CHUK: variants seen among roughly 807,000 people sequenced by gnomAD.
The protein encoded by CHUK is inhibitor of nuclear factor kappa-B kinase subunit alpha.
Under a neutral mutation model 104.8 loss-of-function variants are expected in CHUK, and 35 were observed. The ratio of observed to expected loss-of-function variants is 0.33; its 90% CI spans 0.26 to 0.44. The LOEUF (loss-of-function observed/expected upper bound fraction) is 0.44, where lower values mean the gene tolerates loss of function less well. Among genes scored for constraint, CHUK ranks in the 20% least tolerant of loss-of-function variants. CHUK has a pLI of 1.00. For synonymous variants in CHUK, 276 were observed against 291.9 expected (o/e 0.95, Z 0.56); for missense variants, 663 against 902.7 (o/e 0.73, Z 3.40).
chr10:100,228,268 A>G (rs913089380), intron 1 of CHUK, among the ~76,000 whole-genome samples: 1 of 152,236 alleles, frequency 6.6e-6, no homozygotes, highest in Non-Finnish European at 1.5e-5. Flanking sequence ...GGAAGGCACG[A>G]ACCTCTCAAA....
intron 10 of CHUK, among the ~76,000 whole-genome samples, chr10:100,207,625 A>G (rs1845619123): frequency 6.6e-6 from 1 of 152,232 alleles, no homozygotes; most frequent in African/African-American, 2.4e-5. Context: ...GATACATGCT[A>G]CAACATGCAC....
intron 1 of CHUK, among the ~76,000 whole-genome samples, chr10:100,228,441 G>A (rs1033043203): frequency 1.3e-5 from 2 of 152,174 alleles, no homozygotes; most frequent in Admixed American, 6.5e-5. Flanking sequence ...ATCGCCTGAG[G>A]TCAGGAGTTC....
intron 13 of CHUK, among the ~76,000 whole-genome samples, chr10:100,202,466 T>C (rs905055920): frequency 6.6e-6 from 1 of 152,218 alleles, no homozygotes; most frequent in Non-Finnish European, 1.5e-5. Context: ...GGAGACAGAT[T>C]GAGGTGCTGC....
At chr10:100,199,737 G>A (rs759194635) in intron 16 of CHUK, among the ~76,000 whole-genome samples, 1 of 150,870 alleles carries the variant, frequency 6.6e-6, no homozygotes, top group Non-Finnish European at 1.5e-5. Flanking sequence ...TTCTTTTCAC[G>A]TCCCCTTCTA....
chr10:100,202,295 A>G (rs921494754), intron 13 of CHUK, 146 bp from the exon 14 acceptor site: 4 of 676,126 alleles, frequency 5.9e-6, no homozygotes, highest in African/African-American at 3.6e-5. Context: ...CTAACCCCTA[A>G]TACCTCAGAA....
intron 1 of CHUK, 71 bp from the exon 2 acceptor site, chr10:100,226,088 T>A (rs1229987178): frequency 8.7e-6 from 8 of 924,750 alleles, no homozygotes; most frequent in Non-Finnish European, 1.3e-5. Context: ...ACCAAAGAAA[T>A]AACTTAAGAC....
chr10:100,221,342 G>T lies in CHUK; in HGVS notation c.386-666C>A, dbSNP rs993782100. ...CCCAGCTACTCGGGAGGCTGAGGCA[G>T]GAGAATCGCTTGAACCTGGGAGGCA... On this transcript the variant is annotated intron_variant, in intron 4 of 20. Coordinates refer to ENST00000370397, the MANE Select transcript of CHUK (RefSeq NM_001278.5). Among the ~76,000 whole-genome samples the T allele has an allele frequency of 2.0e-5, 3 of 152,086 alleles. No homozygotes were observed. The East Asian group carries it at 5.8e-4, about 29-fold the overall frequency.
chr10:100,193,559 T>C, intron 18 of CHUK, 128 bp from the exon 19 acceptor site: 2 of 1,103,936 alleles, frequency 1.8e-6, no homozygotes. Flanking sequence ...AGTATTTCAG[T>C]ACAAAACTAT....
chr10:100,225,751 C>G (rs1172718576), intron 2 of CHUK, among the ~76,000 whole-genome samples, 172 bp downstream of exon 2: 1 of 152,082 alleles, frequency 6.6e-6, no homozygotes, highest in Admixed American at 6.6e-5. Context: ...TTAACTAAAC[C>G]TTCTTAATCT....
chr10:100,218,653 A>T, intron 8 of CHUK, 65 bp downstream of exon 8: 2 of 1,012,416 alleles, frequency 2.0e-6, no homozygotes, highest in Non-Finnish European at 3.2e-6. Context: ...ACAGACAACT[A>T]CTCTCCTGCT....
chr10:100,224,925 C>A (rs1488092425), intron 2 of CHUK, among the ~76,000 whole-genome samples: 1 of 152,054 alleles, frequency 6.6e-6, no homozygotes, highest in African/African-American at 2.4e-5. Context: ...TCTCAGCTCA[C>A]TGTAGCCTTG....
At position 100,218,143 on chromosome 10, in the gene CHUK, C is replaced by A; in HGVS notation, c.798-13G>T. ...TTCTACTACTAAACTAGAAAACATACAAAATAGGGTGAAAATCAAATCATT... is the reference window on the plus strand; with the variant it reads ...TTCTACTACTAAACTAGAAAACATAAAAAATAGGGTGAAAATCAAATCATT... On this transcript the variant is annotated splice_polypyrimidine_tract_variant and intron_variant, in intron 8 of 20. Coordinates refer to ENST00000370397, the MANE Select transcript of CHUK (RefSeq NM_001278.5). 1 of 1,603,364 alleles carries A rather than the reference C, an allele frequency of 6.2e-7. No homozygotes were observed. The highest frequency in any genetic ancestry group is 8.5e-7 in the Non-Finnish European group (1 of 1,170,252).
At chr10:100,199,829 G>C (rs1251535984) in intron 16 of CHUK, 142 bp downstream of exon 16, 1 of 702,968 alleles carries the variant, frequency 1.4e-6, no homozygotes, top group African/African-American at 1.8e-5. Flanking sequence ...ATTATACCAT[G>C]TCTCAATGGC....
intron 9 of CHUK, among the ~76,000 whole-genome samples, chr10:100,210,091 A>ATT (rs11436816): frequency 0.013 from 1,577 of 121,802 alleles, 27 homozygotes; most frequent in African/African-American, 0.045. Context: ...TTATTTATTT[A>ATT]TTTTTTTTTT....
At chr10:100,223,516 T>C (rs1426871368) in intron 2 of CHUK, among the ~76,000 whole-genome samples, 1 of 152,128 alleles carries the variant, frequency 6.6e-6, no homozygotes, top group Non-Finnish European at 1.5e-5. Flanking sequence ...CGCATGCCTA[T>C]AGTCCCAGCT....
At chr10:100,190,652 T>C in intron 20 of CHUK, 1 of 559,974 alleles carries the variant, frequency 1.8e-6, no homozygotes. Flanking sequence ...TGACCAAAAA[T>C]GCTATTATTG....
intron 9 of CHUK, among the ~76,000 whole-genome samples, chr10:100,213,818 G>A (rs1032114009): frequency 1.3e-5 from 2 of 152,134 alleles, no homozygotes; most frequent in Non-Finnish European, 2.9e-5. Context: ...CACCACACCT[G>A]TATCAACAAA....
intron 2 of CHUK, among the ~76,000 whole-genome samples, chr10:100,224,086 ACTCTCTCTCT>A (rs3884083): frequency 6.7e-6 from 1 of 148,218 alleles, no homozygotes; most frequent in East Asian, 2.0e-4. Context: ...TCGCTCGTTC[ACTCTCTCTCT>A]CTCTCTCTCT....
intron 11 of CHUK, among the ~76,000 whole-genome samples, chr10:100,206,738 A>G (rs755784087): frequency 1.3e-5 from 2 of 152,210 alleles, no homozygotes; most frequent in Non-Finnish European, 1.5e-5. Context: ...GATTACATAC[A>G]TTTTAGCCCC....
Sources: allele counts gnomAD v4.1 joint callset (sites outside exome capture counted in the v4.1 genomes callset), GRCh38; gene constraint gnomAD v4.1.1; transcripts MANE v1.5; gene names NCBI Gene and HGNC (gene_info 2026-07-23, HGNC 2026-07-21).